EBF2: variants seen among roughly 807,000 people sequenced by gnomAD.
EBF2 encodes transcription factor COE2.
A neutral mutation model predicts 72.8 loss-of-function variants in EBF2; 21 were observed. The observed-to-expected ratio is 0.29, with a 90% CI of 0.20 to 0.42. The LOEUF is 0.42. Ranked by LOEUF, EBF2 falls within the 10% of genes least tolerant of loss-of-function variation. EBF2 has a pLI of 1.00. For synonymous variants in EBF2, 299 were observed against 274.2 expected (o/e 1.09, Z -0.89); for missense variants, 637 against 731.2 (o/e 0.87, Z 1.49).
chr8:25,953,538 C>A (rs180779543), intron 6 of EBF2, among the ~76,000 whole-genome samples: 1 of 152,200 alleles, frequency 6.6e-6, no homozygotes, highest in South Asian at 2.1e-4. Context: ...TTCCATTGAT[C>A]TTCCAGTCCC....
intron 6 of EBF2, among the ~76,000 whole-genome samples, chr8:25,957,456 G>A (rs780067072): frequency 6.6e-5 from 10 of 152,058 alleles, no homozygotes; most frequent in Non-Finnish European, 8.8e-5. Flanking sequence ...CCCCTCCCCC[G>A]CAGGCCACCT....
chr8:25,861,745 T>G (rs536891942), intron 11 of EBF2, among the ~76,000 whole-genome samples: 66 of 152,368 alleles, frequency 4.3e-4, no homozygotes, highest in African/African-American at 1.6e-3. Context: ...ATTCTTAAAA[T>G]GATTGATGGA....
rs148549794 is a variant in EBF2 at position 25,903,041 on chromosome 8, C to T, written c.633+5433G>A. Among the ~76,000 whole-genome samples, 5 of 152,260 alleles carry T rather than the reference C, an allele frequency of 3.3e-5. No individual in the cohort carries two copies. In the East Asian group the frequency reaches 9.6e-4, roughly 29 times the overall value. ...TTTGTGTCCATGGACAGTTGATACC[C>T]ATTTTAGTAGGTGTATGTATTTAAT... On this transcript the variant is annotated intron_variant, in intron 7 of 15. Transcript: ENST00000520164.
At chr8:25,874,046 C>G (rs1448529903) in intron 10 of EBF2, among the ~76,000 whole-genome samples, 1 of 152,180 alleles carries the variant, frequency 6.6e-6, no homozygotes, top group African/African-American at 2.4e-5. Context: ...TTGACTCAAC[C>G]TGTCTCCAGT....
At chr8:25,949,320 C>T (rs543934241) in intron 6 of EBF2, among the ~76,000 whole-genome samples, 11 of 152,254 alleles carry the variant, frequency 7.2e-5, no homozygotes, top group African/African-American at 1.9e-4. Flanking sequence ...CCCTTTTCAG[C>T]GAATGGTTAC....
chr8:25,938,375 G>GAA (rs555008923), intron 6 of EBF2, among the ~76,000 whole-genome samples: 1 of 130,480 alleles, frequency 7.7e-6, no homozygotes, highest in African/African-American at 2.8e-5. Context: ...CTCTTACTTT[G>GAA]AAAAAAAAAA....
At chr8:25,946,102 T>A (rs1256204547) in intron 6 of EBF2, among the ~76,000 whole-genome samples, 1 of 152,238 alleles carries the variant, frequency 6.6e-6, no homozygotes. Context: ...TCATTTCTGA[T>A]AATGAGTTCT....
chr8:25,985,902 T>C (rs1386440128), intron 6 of EBF2, among the ~76,000 whole-genome samples: 2 of 146,044 alleles, frequency 1.4e-5, no homozygotes, highest in Non-Finnish European at 1.5e-5. Context: ...CTGGGGAGGC[T>C]GATGTGGGAG....
At chr8:26,000,175 T>C (rs73675786) in intron 6 of EBF2, among the ~76,000 whole-genome samples, 263 of 152,234 alleles carry the variant, frequency 1.7e-3, no homozygotes, top group African/African-American at 6.2e-3. Flanking sequence ...CACAGGGGAA[T>C]TGGGAGAGAC....
chr8:25,868,977 T>A (rs1802383185), intron 10 of EBF2, among the ~76,000 whole-genome samples: 2 of 152,234 alleles, frequency 1.3e-5, no homozygotes, highest in South Asian at 4.1e-4. Context: ...AGATTTTCTA[T>A]GTTCTATATT....
intron 6 of EBF2, among the ~76,000 whole-genome samples, chr8:25,910,141 C>T (rs892324267): frequency 5.9e-5 from 9 of 152,070 alleles, no homozygotes; most frequent in Non-Finnish European, 2.9e-5. Flanking sequence ...CATCTCTGCC[C>T]GGGTCGTCAG....
intron 6 of EBF2, among the ~76,000 whole-genome samples, chr8:26,011,461 GC>G (rs754544553): frequency 3.4e-4 from 4 of 11,854 alleles, no homozygotes; most frequent in African/African-American, 2.5e-3. Flanking sequence ...TCTTCAGGTG[GC>G]TTTTTTTTTT....
chr8:26,042,592 C>T (rs1021486206), intron 1 of EBF2, among the ~76,000 whole-genome samples: 1 of 152,156 alleles, frequency 6.6e-6, no homozygotes, highest in Non-Finnish European at 1.5e-5. Flanking sequence ...AAGGAGGTGG[C>T]CCGCGTCCTA....
intron 6 of EBF2, among the ~76,000 whole-genome samples, chr8:26,001,200 T>A (rs1400600240): frequency 6.6e-6 from 1 of 152,022 alleles, no homozygotes; most frequent in Non-Finnish European, 1.5e-5. Flanking sequence ...AAGACATTCA[T>A]CCAGCACTGG....
chr8:25,940,682 G>A (rs1803654836), intron 6 of EBF2, among the ~76,000 whole-genome samples: 1 of 151,140 alleles, frequency 6.6e-6, no homozygotes, highest in African/African-American at 2.4e-5. Context: ...CTTCTTAGTG[G>A]GCCATCCAAA....
intron 6 of EBF2, among the ~76,000 whole-genome samples, chr8:26,011,225 A>G (rs1804976056): frequency 6.6e-6 from 1 of 152,206 alleles, no homozygotes; most frequent in Admixed American, 6.5e-5. Context: ...TATATTGATT[A>G]CGTTGCTAAT....
rs1179434893 is a variant in EBF2 at position 25,942,960 on chromosome 8, C to A, written c.552-34405G>T. On this transcript the variant is annotated intron_variant, in intron 6 of 15. Coordinates refer to ENST00000520164, the MANE Select transcript of EBF2 (RefSeq NM_022659.4). ...GTCTACCTCAGTGCAGTGGTAACCT[C>A]CTGGAGCTCAGGATTTCCCTCCGTG... 2.6e-5 allele frequency among the ~76,000 whole-genome samples: 4 copies of A among 152,114 alleles called. No individual in the cohort carries two copies. The East Asian group carries it at 5.8e-4, about 22-fold the overall frequency.
chr8:25,929,327 C>G (rs1190198239), intron 6 of EBF2, among the ~76,000 whole-genome samples: 1 of 152,196 alleles, frequency 6.6e-6, no homozygotes, highest in African/African-American at 2.4e-5. Context: ...TTAAAACACA[C>G]TGTCCTAATC....
intron 6 of EBF2, among the ~76,000 whole-genome samples, chr8:26,028,604 C>T (rs567513862): frequency 6.6e-6 from 1 of 152,262 alleles, no homozygotes; most frequent in East Asian, 1.9e-4. Flanking sequence ...ATCCTGAGCC[C>T]CCCAGAGGCT....
Sources: allele counts gnomAD v4.1 joint callset (sites outside exome capture counted in the v4.1 genomes callset), GRCh38; gene constraint gnomAD v4.1.1; transcripts MANE v1.5; gene names NCBI Gene and HGNC (gene_info 2026-07-23, HGNC 2026-07-21).